MARCHF1: variants seen among roughly 807,000 people sequenced by gnomAD.
The protein encoded by MARCHF1 is membrane associated ring-CH-type finger 1, also known as E3 ubiquitin-protein ligase MARCHF1.
A neutral mutation model predicts 54.2 loss-of-function variants in MARCHF1; 40 were observed. The observed-to-expected ratio is 0.74, with a 90% CI of 0.57 to 0.96. The LOEUF is 0.96. MARCHF1 is among the 40% of genes least tolerant of loss of function. The pLI, the probability that MARCHF1 is intolerant of heterozygous loss-of-function variation, is 0.00. For missense variants in MARCHF1, 586 were observed against 656.5 expected (o/e 0.89, Z 1.17); for synonymous variants, 236 against 236.3 (o/e 1.00, Z 0.01).
intron 3 of MARCHF1, among the ~76,000 whole-genome samples, chr4:163,910,558 G>A (rs936076685): frequency 3.9e-5 from 6 of 152,082 alleles, no homozygotes; most frequent in East Asian, 1.9e-4. Flanking sequence ...GCAATGGCGC[G>A]ATCTTGGCTC....
intron 2 of MARCHF1, among the ~76,000 whole-genome samples, chr4:164,004,597 T>C (rs565315887): frequency 6.6e-6 from 1 of 152,080 alleles, no homozygotes; most frequent in Admixed American, 6.6e-5. Context: ...ACTTGGGCAA[T>C]TAAAAAAACT....
At chr4:163,637,546 C>T (rs201109847) in intron 5 of MARCHF1, among the ~76,000 whole-genome samples, 5,287 of 151,572 alleles carry the variant, frequency 0.035, 298 homozygotes, top group East Asian at 0.2. Flanking sequence ...CAATGAGATA[C>T]CATCTCACAC....
intron 3 of MARCHF1, among the ~76,000 whole-genome samples, chr4:163,923,945 T>C (rs1751485270): frequency 6.6e-6 from 1 of 152,066 alleles, no homozygotes; most frequent in Admixed American, 6.6e-5. Context: ...TCATATTGCT[T>C]ATGGTTTTAT....
chr4:164,244,967 T>C (rs1732895687), intron 1 of MARCHF1, among the ~76,000 whole-genome samples: 1 of 152,122 alleles, frequency 6.6e-6, no homozygotes, highest in Non-Finnish European at 1.5e-5. Flanking sequence ...CAATAATCAA[T>C]AGCTTACCAG....
At position 163,725,841 on chromosome 4, in the gene MARCHF1, T is replaced by C. The variant is rs573670013; in HGVS notation, c.112-24978A>G. ...AAATGAGATATTATGTAAAAGTTTT[T>C]AGCCTAACATACAGTTAATGTCTGT... On this transcript the variant is annotated intron_variant, in intron 4 of 9. Coordinates refer to ENST00000514618, the MANE Select transcript of MARCHF1 (RefSeq NM_001394959.1). Among the ~76,000 whole-genome samples, 5 of 152,358 alleles carry C rather than the reference T, an allele frequency of 3.3e-5. No individual in the cohort carries two copies. In the Middle Eastern group the frequency reaches 0.01, roughly 311 times the overall value.
Position 163,605,603 on chromosome 4 carries a change from A to G in MARCHF1, c.1010+6668T>C, listed in dbSNP as rs1453042620. ...ATCATTCTACTATCAAGACACATGCACATGTATGTTTATTGCAGCACTGTT... is the reference window on the plus strand; with the variant it reads ...ATCATTCTACTATCAAGACACATGCGCATGTATGTTTATTGCAGCACTGTT... On this transcript the variant is annotated intron_variant, in intron 7 of 9. Transcript: ENST00000514618. Among the ~76,000 whole-genome samples, 4 of 152,308 alleles carry G rather than the reference A, an allele frequency of 2.6e-5. No individual in the cohort carries two copies. The East Asian group carries it at 7.7e-4, about 29-fold the overall frequency.
intron 8 of MARCHF1, among the ~76,000 whole-genome samples, chr4:163,565,191 G>A (rs548159725): frequency 1.2e-3 from 189 of 152,288 alleles, no homozygotes; most frequent in African/African-American, 4.4e-3. Flanking sequence ...AATCTCCTGC[G>A]AATGCAGAGG....
intron 5 of MARCHF1, among the ~76,000 whole-genome samples, chr4:163,682,279 T>C (rs972057720): frequency 2.0e-5 from 3 of 152,176 alleles, no homozygotes; most frequent in Non-Finnish European, 4.4e-5. Context: ...TTTGGAAAAT[T>C]TGCAGCCTGA....
intron 2 of MARCHF1, among the ~76,000 whole-genome samples, chr4:164,105,304 C>T: frequency 7.4e-6 from 1 of 134,634 alleles, no homozygotes; most frequent in Non-Finnish European, 1.6e-5. Context: ...GCCTGCATTG[C>T]CAAGTCAATC....
At chr4:163,605,572 T>C (rs1162808691) in intron 7 of MARCHF1, among the ~76,000 whole-genome samples, 1 of 152,112 alleles carries the variant, frequency 6.6e-6, no homozygotes, top group Non-Finnish European at 1.5e-5. Context: ...ACCCAAAGGA[T>C]TATAAATCAT....
chr4:163,813,754 C>T (rs1224566603), intron 4 of MARCHF1, among the ~76,000 whole-genome samples: 3 of 152,106 alleles, frequency 2.0e-5, no homozygotes, highest in African/African-American at 7.2e-5. Context: ...TCTAGCATGA[C>T]TCTAAAATTG....
chr4:163,730,434 C>T (rs1055708978), intron 4 of MARCHF1, among the ~76,000 whole-genome samples: 8 of 152,038 alleles, frequency 5.3e-5, no homozygotes, highest in East Asian at 1.9e-4. Flanking sequence ...TAGAATGAGT[C>T]GTACTTTTTC....
chr4:163,606,205 C>T (rs939992681), intron 7 of MARCHF1, among the ~76,000 whole-genome samples: 6 of 151,992 alleles, frequency 3.9e-5, no homozygotes, highest in African/African-American at 1.4e-4. Flanking sequence ...TTTAAAGAAA[C>T]CATTAGTGGA....
chr4:163,632,388 T>C (rs1240741429), intron 5 of MARCHF1, among the ~76,000 whole-genome samples: 1 of 152,116 alleles, frequency 6.6e-6, no homozygotes, highest in Non-Finnish European at 1.5e-5. Flanking sequence ...AGTGGGTGCA[T>C]GCACTGTGCG....
chr4:163,929,971 TA>T (rs1370372075), intron 3 of MARCHF1, among the ~76,000 whole-genome samples: 24 of 126,134 alleles, frequency 1.9e-4, no homozygotes, highest in African/African-American at 6.3e-4. Flanking sequence ...ATAATATATA[TA>T]ATATATATAA....
intron 5 of MARCHF1, among the ~76,000 whole-genome samples, chr4:163,613,981 G>T (rs1170456898): frequency 6.6e-6 from 1 of 152,040 alleles, no homozygotes; most frequent in Non-Finnish European, 1.5e-5. Context: ...ACCATACTAA[G>T]TCTGAAAATA....
intron 3 of MARCHF1, among the ~76,000 whole-genome samples, chr4:163,937,025 C>A (rs1380304887): frequency 2.0e-5 from 3 of 152,170 alleles, no homozygotes; most frequent in African/African-American, 7.2e-5. Flanking sequence ...CTCTCACCTT[C>A]TCCCTAACAA....
At chr4:164,034,634 G>GTATA (rs371581939) in intron 2 of MARCHF1, among the ~76,000 whole-genome samples, 7 of 150,596 alleles carry the variant, frequency 4.6e-5, no homozygotes, top group Non-Finnish European at 5.9e-5. Flanking sequence ...ATGTGTGTGT[G>GTATA]TATATATATA....
intron 1 of MARCHF1, among the ~76,000 whole-genome samples, chr4:164,149,192 C>T (rs922988689): frequency 4.6e-5 from 7 of 152,198 alleles, no homozygotes; most frequent in Non-Finnish European, 8.8e-5. Flanking sequence ...TCATCAGAAG[C>T]TGAGCAGATG....
Sources: allele counts gnomAD v4.1 joint callset (sites outside exome capture counted in the v4.1 genomes callset), GRCh38; gene constraint gnomAD v4.1.1; transcripts MANE v1.5; gene names NCBI Gene and HGNC (gene_info 2026-07-23, HGNC 2026-07-21).